Variants in ACAP2 observed in about 807,000 individuals in gnomAD.
ACAP2 encodes the protein arf-GAP with coiled-coil, ANK repeat and PH domain-containing protein 2.
ACAP2 carries 39 observed loss-of-function variants against 115.8 expected under a neutral mutation model. The observed-to-expected ratio is 0.34, with a 90% CI of 0.26 to 0.44. The LOEUF is 0.44. ACAP2 is among the 20% of genes least tolerant of loss of function. The probability of loss-of-function intolerance (pLI) is 1.00; values close to 1 mark genes in which losing one functional copy is unlikely to be tolerated. For missense variants in ACAP2, 662 were observed against 927.6 expected (o/e 0.71, Z 3.72); for synonymous variants, 289 against 315.8 (o/e 0.92, Z 0.90).
At chr3:195,408,702 A>T (rs1477403926) in intron 1 of ACAP2, among the ~76,000 whole-genome samples, 1 of 152,226 alleles carries the variant, frequency 6.6e-6, no homozygotes, top group Non-Finnish European at 1.5e-5. Context: ...AATTCTCAAC[A>T]GAAGACTAGC....
chr3:195,400,222 G>A (rs1712167677), intron 1 of ACAP2, among the ~76,000 whole-genome samples: 1 of 151,134 alleles, frequency 6.6e-6, no homozygotes, highest in Non-Finnish European at 1.5e-5. Context: ...ATATATATAT[G>A]TGTGTGTATA....
At chr3:195,362,542 C>A (rs1369017904) in intron 4 of ACAP2, among the ~76,000 whole-genome samples, 1 of 151,930 alleles carries the variant, frequency 6.6e-6, no homozygotes, top group Non-Finnish European at 1.5e-5. Context: ...CACACACACA[C>A]AAAACTACAG....
chr3:195,361,516 G>C (rs1732371760), intron 4 of ACAP2, among the ~76,000 whole-genome samples: 1 of 151,680 alleles, frequency 6.6e-6, no homozygotes, highest in African/African-American at 2.4e-5. Flanking sequence ...CTATGTATGG[G>C]ATATAGTAAA....
intron 9 of ACAP2, among the ~76,000 whole-genome samples, chr3:195,321,669 A>G (rs1729465002): frequency 1.3e-5 from 2 of 149,550 alleles, no homozygotes; most frequent in African/African-American, 4.9e-5. Context: ...GCTGGAGTGC[A>G]GTGGCACAAT....
chr3:195,381,871 T>C (rs1560309143), intron 3 of ACAP2, 32 bp downstream of exon 3: 2 of 1,566,206 alleles, frequency 1.3e-6, no homozygotes, highest in Non-Finnish European at 1.7e-6. Flanking sequence ...CTTTTTTTTT[T>C]CATTTTTAAC....
chr3:195,322,972 A>T (rs972858770), intron 9 of ACAP2, among the ~76,000 whole-genome samples: 3 of 152,232 alleles, frequency 2.0e-5, no homozygotes, highest in Admixed American at 6.5e-5. Context: ...CTCCTTAAAT[A>T]CACTGATGAC....
intron 4 of ACAP2, among the ~76,000 whole-genome samples, chr3:195,351,109 G>C (rs1203400204): frequency 2.2e-5 from 3 of 137,506 alleles, no homozygotes; most frequent in Non-Finnish European, 3.1e-5. Flanking sequence ...TAAATATGAA[G>C]ATAAATCCTT....
intron 10 of ACAP2, among the ~76,000 whole-genome samples, chr3:195,318,982 C>G (rs557756805): frequency 7.5e-4 from 115 of 152,336 alleles, no homozygotes; most frequent in African/African-American, 2.6e-3. Context: ...GGCCAGGGCC[C>G]AGGACCCTGC....
Position 195,327,939 on chromosome 3 carries a change from CA to C in ACAP2, c.670-981del, listed in dbSNP as rs200241296. On this transcript the variant is annotated intron_variant, in intron 8 of 22. Coordinates refer to ENST00000326793, the MANE Select transcript of ACAP2 (RefSeq NM_012287.6). ...GTGCAAGACTCCATCAGCCCTCCACCAAAAAAAAATATATATATATGTATAT... is the reference window on the plus strand; with the variant it reads ...GTGCAAGACTCCATCAGCCCTCCACCAAAAAAAATATATATATATGTATAT... Among the ~76,000 whole-genome samples, 35 of 148,756 alleles carry C rather than the reference CA, an allele frequency of 2.4e-4. No individual in the cohort carries two copies. The East Asian group carries it at 3.8e-3, about 16-fold the overall frequency.
intron 4 of ACAP2, among the ~76,000 whole-genome samples, chr3:195,348,942 C>T (rs1227741239): frequency 6.6e-6 from 1 of 152,154 alleles, no homozygotes; most frequent in African/African-American, 2.4e-5. Context: ...TTCAACATTA[C>T]ACTAGAAATT....
chr3:195,381,885 A>C lies in ACAP2; in HGVS notation c.231+18T>G. On this transcript the variant is annotated intron_variant, in intron 3 of 22. Coordinates refer to ENST00000326793, the MANE Select transcript of ACAP2 (RefSeq NM_012287.6). ...GCTTTTTTTTTTCATTTTTAACTGC[A>C]ATTTTAGTAATACTAACCTCAACGA... The C allele has an allele frequency of 6.4e-7, 1 of 1,565,392 alleles. No individual in the cohort carries two copies. Among genetic ancestry groups the C allele is most frequent in the Non-Finnish European group, 8.6e-7 (1 of 1,161,634 alleles).
chr3:195,307,118 T>C, intron 12 of ACAP2, 105 bp downstream of exon 12: 2 of 836,520 alleles, frequency 2.4e-6, no homozygotes, highest in Non-Finnish European at 3.8e-6. Flanking sequence ...TTTTTTTCTC[T>C]TTAGCACAGA....
intron 1 of ACAP2, chr3:195,442,192 C>G (rs1416037518): frequency 6.5e-6 from 1 of 152,832 alleles, no homozygotes; most frequent in African/African-American, 2.4e-5. Context: ...GCGCTTCCCC[C>G]CGCGATTCCC....
rs576205484 is a variant in ACAP2, at chr3:195,316,950, T to A, written c.857+3751A>T. ...GACAAGAGTCTCACCCAGGCTGGAG[T>A]GCAGTGGTGCAATCTCGGCTCACTG... On this transcript the variant is annotated intron_variant, in intron 10 of 22. Transcript: ENST00000326793. Among the ~76,000 whole-genome samples the A allele has an allele frequency of 4.6e-4, 58 of 125,040 alleles. No homozygotes were observed. In the South Asian group the frequency reaches 7.8e-3, roughly 17 times the overall value. 82.0% of individuals were successfully genotyped at this position (125,040 alleles called of 152,430 possible).
At chr3:195,285,529 A>G in intron 22 of ACAP2, 2 of 368,708 alleles carry the variant, frequency 5.4e-6, no homozygotes, top group Non-Finnish European at 9.7e-6. Flanking sequence ...CAAATAAAGA[A>G]GTCAGCAGCC....
At chr3:195,363,102 C>A (rs767429369) in intron 4 of ACAP2, among the ~76,000 whole-genome samples, 5 of 152,158 alleles carry the variant, frequency 3.3e-5, no homozygotes, top group African/African-American at 4.8e-5. Context: ...AGTAAAGCTG[C>A]AGGATACAAA....
intron 1 of ACAP2, among the ~76,000 whole-genome samples, chr3:195,418,996 T>G (rs1460326911): frequency 6.6e-6 from 1 of 152,190 alleles, no homozygotes; most frequent in Non-Finnish European, 1.5e-5. Context: ...CTATTCTGTT[T>G]CTTTGCTTCA....
chr3:195,415,261 C>T (rs976944228), intron 1 of ACAP2, among the ~76,000 whole-genome samples: 1 of 150,194 alleles, frequency 6.7e-6, no homozygotes, highest in African/African-American at 2.4e-5. Context: ...TGCTGTGAAA[C>T]TAAAGCAGCT....
Position 195,320,748 on chromosome 3 carries a change from T to C in ACAP2, c.810A>G (p.Glu270=). 1.2e-6 allele frequency: 2 copies of C among 1,613,708 alleles called. No individual in the cohort carries two copies. The highest frequency in any genetic ancestry group is 1.7e-6 in the Non-Finnish European group (2 of 1,179,732). ...TGCTGGCTCGTTTGAACAGATATCC[T>C]TCCATAACTATGCCATTTGCAGCAT... ...NVDAANGIVM[E]GYLFKRASNA... Residue 270 remains glutamate, a synonymous_variant, in exon 10 of 23, where the codon GAA becomes GAG. Coordinates refer to ENST00000326793, the MANE Select transcript of ACAP2 (RefSeq NM_012287.6).
Sources: gnomAD v4.1 joint callset for allele counts (sites outside exome capture counted in the v4.1 genomes callset) on GRCh38, gnomAD v4.1.1 for gene constraint, MANE v1.5 for transcripts, NCBI Gene and HGNC (gene_info 2026-07-23, HGNC 2026-07-21) for gene names.